SLC10A6: variants seen among roughly 807,000 people sequenced by gnomAD.
SLC10A6 encodes solute carrier family 10 member 6.
In SLC10A6, 27 loss-of-function variants were observed where a neutral mutation model predicts 30.0. That is an observed-to-expected ratio of 0.90 (90% CI 0.66 to 1.24). The LOEUF (loss-of-function observed/expected upper bound fraction) is 1.24. Ranked by LOEUF, SLC10A6 falls within the 50% of genes most tolerant of loss-of-function variation. SLC10A6 has a pLI of 0.00. For missense variants in SLC10A6, 439 were observed against 457.0 expected, an observed-to-expected ratio of 0.96 and a Z score of 0.36; for synonymous variants, 166 against 173.8, an observed-to-expected ratio of 0.95 and a Z score of 0.36.
chr4:86,830,474 G>A (rs775968267), intron 3 of SLC10A6, among the ~76,000 whole-genome samples: 3 of 152,172 alleles, frequency 2.0e-5, no homozygotes, highest in Non-Finnish European at 4.4e-5. Context: ...AAAAAGGAGA[G>A]TGAAAATCAG....
At chr4:86,830,651 G>A (rs1175638350) in intron 3 of SLC10A6, among the ~76,000 whole-genome samples, 1 of 152,108 alleles carries the variant, frequency 6.6e-6, no homozygotes, top group African/African-American at 2.4e-5. Context: ...GTGCATAACT[G>A]GGAAAACAGT....
Position 86,843,073 on chromosome 4 carries a change from G to A in SLC10A6, c.377+5666C>T, listed in dbSNP as rs190748387. Among the ~76,000 whole-genome samples, 617 of 151,998 alleles carry A rather than the reference G, an allele frequency of 4.1e-3. 5 individuals are homozygous for A. The highest frequency in any genetic ancestry group is 0.014 in the African/African-American group (596 of 41,454). ...TTTAGTAGAGATGGGGTTTTGCCATGTTGGCCAGGCTGGTCTCGAACTCCT... is the reference window on the plus strand; with the variant it reads ...TTTAGTAGAGATGGGGTTTTGCCATATTGGCCAGGCTGGTCTCGAACTCCT... On this transcript the variant is annotated intron_variant, in intron 1 of 5. Coordinates refer to ENST00000273905, the MANE Select transcript of SLC10A6 (RefSeq NM_197965.3).
chr4:86,823,646 C>A lies in SLC10A6; in HGVS notation c.*42G>T. 6.7e-7 allele frequency: 1 copy of A among 1,500,652 alleles called. No homozygotes were observed. The highest frequency in any genetic ancestry group is 9.0e-7 in the Non-Finnish European group (1 of 1,112,330). The allele number at this position is 1,500,652 out of a possible 1,614,324, so 93.0% of individuals were successfully genotyped here. ...GTCAGCTGCACACTGTCTTTACTGG[C>A]CACTGAAAAAGAAGGGGGCCAGTCC... On this transcript the variant is annotated 3_prime_UTR_variant, in exon 6 of 6. Coordinates refer to ENST00000273905, the MANE Select transcript of SLC10A6 (RefSeq NM_197965.3).
At chr4:86,832,041 A>C (rs1746090022) in intron 2 of SLC10A6, among the ~76,000 whole-genome samples, 161 bp from the exon 3 acceptor site, 1 of 152,244 alleles carries the variant, frequency 6.6e-6, no homozygotes, top group African/African-American at 2.4e-5. Context: ...CTCCAAAGTT[A>C]TATAAGCTGC....
intron 1 of SLC10A6, among the ~76,000 whole-genome samples, chr4:86,841,530 A>C (rs536474422): frequency 4.7e-4 from 71 of 152,342 alleles, no homozygotes; most frequent in Admixed American, 1.1e-3. Flanking sequence ...TCAGTATAAC[A>C]AGATTCCACT....
At chr4:86,838,482 G>A (rs1459030461) in intron 1 of SLC10A6, among the ~76,000 whole-genome samples, 1 of 152,210 alleles carries the variant, frequency 6.6e-6, no homozygotes, top group East Asian at 1.9e-4. Context: ...ACACACTGGT[G>A]CTATGGAAAT....
intron 1 of SLC10A6, among the ~76,000 whole-genome samples, chr4:86,837,290 A>AAAGAAAAAGAAAGGAAGGAAGG (rs1746211407): frequency 3.2e-5 from 2 of 62,752 alleles, no homozygotes; most frequent in South Asian, 5.6e-4. Flanking sequence ...AAAGAAAAAG[A>AAAGAAAAAGAAAGGAAGGAAGG]AAGGAAGGAA....
intron 5 of SLC10A6, 118 bp from the exon 6 acceptor site, chr4:86,824,020 C>T: frequency 1.2e-6 from 1 of 860,402 alleles, no homozygotes; most frequent in African/African-American, 1.7e-5. Context: ...TATGTATAAA[C>T]ACCCAGGGAA....
chr4:86,848,906 C>T lies in SLC10A6; in HGVS notation c.210G>A (p.Val70=), dbSNP rs1560463492. ...SHIRRPWGIA[V]GLLCQFGLMP... ...TGAGCCCAAACTGGCAGAGCAGTCC[C>T]ACAGCAATGCCCCAGGGTCTCCTGA... The change falls in exon 1 of 6, where the codon GTG becomes GTA. Residue 70 remains valine, a synonymous_variant. Transcript: ENST00000273905. 2 of 1,614,200 alleles carry T rather than the reference C, an allele frequency of 1.2e-6. No homozygotes were observed. The highest frequency in any genetic ancestry group is 1.7e-6 in the Non-Finnish European group (2 of 1,180,026).
In SLC10A6 at chr4:86,823,632, A is replaced by T. The variant is rs918251023; in HGVS notation, c.*56T>A. 2.8e-6 allele frequency: 4 copies of T among 1,403,668 alleles called. No homozygotes were observed. The highest frequency in any genetic ancestry group is 3.9e-6 in the Non-Finnish European group (4 of 1,033,932). 87.0% of individuals were successfully genotyped at this position (1,403,668 alleles called of 1,614,324 possible). ...AACAAGATTCATGTGTCAGCTGCAC[A>T]CTGTCTTTACTGGCCACTGAAAAAG... On this transcript the variant is annotated 3_prime_UTR_variant, in exon 6 of 6. Transcript: ENST00000273905.
At chr4:86,838,886 G>T (rs1480030176) in intron 1 of SLC10A6, among the ~76,000 whole-genome samples, 1 of 133,350 alleles carries the variant, frequency 7.5e-6, no homozygotes, top group Non-Finnish European at 1.5e-5. Flanking sequence ...TCATGCCATT[G>T]CACTCCAGCC....
intron 1 of SLC10A6, among the ~76,000 whole-genome samples, chr4:86,837,227 GAA>G (rs140497843): frequency 6.6e-3 from 386 of 58,732 alleles, no homozygotes; most frequent in African/African-American, 0.023. Flanking sequence ...GAGAGAGAGA[GAA>G]AGAAAGAAAG....
chr4:86,846,720 C>T (rs1489565629), intron 1 of SLC10A6, among the ~76,000 whole-genome samples: 1 of 152,056 alleles, frequency 6.6e-6, no homozygotes, highest in Non-Finnish European at 1.5e-5. Flanking sequence ...GAGTGAAACT[C>T]CACCCCAAAC....
intron 2 of SLC10A6, among the ~76,000 whole-genome samples, chr4:86,832,703 G>A (rs1275554958): frequency 4.6e-5 from 7 of 152,086 alleles, no homozygotes; most frequent in Non-Finnish European, 8.8e-5. Context: ...AACCCACAGA[G>A]ATCTTTAGGA....
chr4:86,839,921 T>A (rs1010563620), intron 1 of SLC10A6, among the ~76,000 whole-genome samples: 58 of 151,360 alleles, frequency 3.8e-4, no homozygotes, highest in South Asian at 2.1e-3. Flanking sequence ...TTTTTATTTT[T>A]TTTTTTTAGC....
intron 1 of SLC10A6, among the ~76,000 whole-genome samples, chr4:86,840,307 C>T (rs184982852): frequency 6.6e-6 from 1 of 152,068 alleles, no homozygotes; most frequent in African/African-American, 2.4e-5. Context: ...GCTTGTCAGA[C>T]TTCTTCTCAA....
intron 1 of SLC10A6, among the ~76,000 whole-genome samples, chr4:86,843,677 T>C (rs745628432): frequency 6.6e-6 from 1 of 152,166 alleles, no homozygotes; most frequent in Non-Finnish European, 1.5e-5. Context: ...GATATATCAT[T>C]ATATACAGGG....
At chr4:86,845,786 G>A (rs1334843753) in intron 1 of SLC10A6, among the ~76,000 whole-genome samples, 10 of 152,160 alleles carry the variant, frequency 6.6e-5, no homozygotes, top group African/African-American at 1.4e-4. Context: ...TGGCCATGGC[G>A]AGAATGAGGG....
intron 1 of SLC10A6, among the ~76,000 whole-genome samples, chr4:86,843,985 T>C (rs1208580903): frequency 1.3e-5 from 2 of 152,104 alleles, no homozygotes; most frequent in African/African-American, 4.8e-5. Context: ...AAGACCATCC[T>C]GGCTAACATG....
Sources: gnomAD v4.1 joint callset for allele counts (sites outside exome capture counted in the v4.1 genomes callset) on GRCh38, gnomAD v4.1.1 for gene constraint, MANE v1.5 for transcripts, NCBI Gene and HGNC (gene_info 2026-07-23, HGNC 2026-07-21) for gene names.